Variants in VAC14 observed in about 807,000 individuals in gnomAD.
VAC14 encodes the protein protein VAC14 homolog.
A neutral mutation model predicts 85.3 loss-of-function variants in VAC14; 47 were observed. That is an observed-to-expected ratio of 0.55 (90% CI 0.44 to 0.70). The LOEUF is 0.70. VAC14 is among the 30% of genes least tolerant of loss of function. The pLI is 0.00. For synonymous variants in VAC14, 447 were observed against 430.5 expected, an observed-to-expected ratio of 1.04 and a Z score of -0.47; for missense variants, 861 against 1,004.3, an observed-to-expected ratio of 0.86 and a Z score of 1.93.
At chr16:70,756,312 C>A (rs1283834075) in intron 12 of VAC14, among the ~76,000 whole-genome samples, 3 of 152,186 alleles carry the variant, frequency 2.0e-5, no homozygotes, top group Non-Finnish European at 2.9e-5. Flanking sequence ...CCTAGGCAAG[C>A]CCCGATCTGC....
At chr16:70,786,490 C>T in intron 1 of VAC14, 125 bp from the exon 2 acceptor site, 1 of 1,292,048 alleles carries the variant, frequency 7.7e-7, no homozygotes, top group Non-Finnish European at 1.1e-6. Flanking sequence ...ACAGGCGTCT[C>T]AGGGCAGGTC....
chr16:70,768,403 C>T (rs1045120025), intron 10 of VAC14: 10 of 176,290 alleles, frequency 5.7e-5, no homozygotes, highest in African/African-American at 2.4e-4. Flanking sequence ...AGACATTTCT[C>T]TCTTAACCCT....
At chr16:70,740,974 T>C (rs1231061575) in intron 13 of VAC14, among the ~76,000 whole-genome samples, 1 of 152,250 alleles carries the variant, frequency 6.6e-6, no homozygotes, top group African/African-American at 2.4e-5. Context: ...ATGGACTCGC[T>C]TCTCCACTGC....
chr16:70,778,905 T>C (rs2033660161), intron 9 of VAC14: 2 of 152,242 alleles, frequency 1.3e-5, no homozygotes, highest in Admixed American at 1.3e-4. Context: ...ACAAAATATG[T>C]ATCCCCGAGT....
chr16:70,731,450 C>T (rs1441551777), intron 14 of VAC14, 45 bp downstream of exon 14: 10 of 1,589,348 alleles, frequency 6.3e-6, no homozygotes, highest in East Asian at 2.2e-5. Context: ...AGTGAAAAGC[C>T]GGGGCCGTGG....
chr16:70,796,310 CT>C (rs1478839108), intron 1 of VAC14, among the ~76,000 whole-genome samples: 2 of 152,166 alleles, frequency 1.3e-5, no homozygotes, highest in Non-Finnish European at 2.9e-5. Flanking sequence ...TCTGAGAGGC[CT>C]GTCATCATGA....
intron 1 of VAC14, among the ~76,000 whole-genome samples, chr16:70,797,089 A>G (rs1033182436): frequency 6.6e-6 from 1 of 152,196 alleles, no homozygotes; most frequent in Admixed American, 6.5e-5. Flanking sequence ...AAATTAAAAA[A>G]ATTCAAGAAC....
At chr16:70,791,334 T>C (rs1010906760) in intron 1 of VAC14, among the ~76,000 whole-genome samples, 1 of 152,258 alleles carries the variant, frequency 6.6e-6, no homozygotes, top group Non-Finnish European at 1.5e-5. Context: ...TTGTCGAATG[T>C]CAGCAGGTAA....
chr16:70,763,061 G>A (rs2032532890), intron 10 of VAC14, 36 bp from the exon 11 acceptor site: 3 of 1,612,770 alleles, frequency 1.9e-6, no homozygotes, highest in African/African-American at 1.3e-5. Flanking sequence ...CAGAGGTGAA[G>A]CCCACCATAG....
intron 14 of VAC14, among the ~76,000 whole-genome samples, chr16:70,706,114 T>G (rs2053915887): frequency 6.6e-6 from 1 of 152,120 alleles, no homozygotes; most frequent in South Asian, 2.1e-4. Context: ...ACTGGCCTGG[T>G]GGGGACCCTG....
intron 14 of VAC14, 25 bp downstream of exon 14, chr16:70,731,470 G>A (rs187578008): frequency 1.3e-5 from 21 of 1,606,928 alleles, no homozygotes; most frequent in East Asian, 8.9e-5. Flanking sequence ...GGAGGAAGAG[G>A]AGAAAGCGCG....
At chr16:70,761,473 G>A (rs769436053) in intron 12 of VAC14, among the ~76,000 whole-genome samples, 10 of 152,250 alleles carry the variant, frequency 6.6e-5, no homozygotes, top group Non-Finnish European at 1.2e-4. Context: ...TGGATGGAGG[G>A]ATGGGATGCT....
chr16:70,733,961 T>G (rs776124006), intron 13 of VAC14, among the ~76,000 whole-genome samples: 4 of 152,158 alleles, frequency 2.6e-5, no homozygotes, highest in Non-Finnish European at 4.4e-5. Context: ...TAGCTGGGAC[T>G]ACAGGCGTGT....
Position 70,762,647 on chromosome 16 carries a change from CG to C in VAC14, c.1306-43del. The C allele has an allele frequency of 6.2e-7, 1 of 1,602,074 alleles. No homozygotes were observed. The highest frequency in any genetic ancestry group is 8.5e-7 in the Non-Finnish European group (1 of 1,170,540). ...CAGGGGTGCCCGTGAGTGCTCCCTT[CG>C]CCCCGGGACTACGTGCAGTGCAGTG... On this transcript the variant is annotated intron_variant, in intron 11 of 18. Coordinates refer to ENST00000261776, the MANE Select transcript of VAC14 (RefSeq NM_018052.5). The surrounding 1 kb of genome is among the most constrained non-coding windows in gnomAD (Gnocchi z 4.1).
rs1403139343 is a variant in VAC14 at position 70,762,109 on chromosome 16, T to G, written c.1371+431A>C. ...CTCACTCCTAAAGTGAGTTTTTTTT[T>G]TTGTTTTTGTTTTTTTGAGACAGGG... On this transcript the variant is annotated intron_variant, in intron 12 of 18. Transcript: ENST00000261776. The surrounding 1 kb of genome is among the most constrained non-coding windows in gnomAD (Gnocchi z 4.1). 6.6e-6 allele frequency among the ~76,000 whole-genome samples: 1 copy of G among 151,472 alleles called. No homozygotes were observed. The highest frequency in any genetic ancestry group is 1.5e-5 in the Non-Finnish European group (1 of 67,918).
chr16:70,770,746 G>A (rs931226537), intron 10 of VAC14: 27 of 152,262 alleles, frequency 1.8e-4, no homozygotes, highest in Non-Finnish European at 2.9e-4. Flanking sequence ...GGAGCCTACA[G>A]GGGTGAGCAC....
At chr16:70,688,264 T>C (rs1425234016) in intron 18 of VAC14, 174 bp from the exon 19 acceptor site, 27 of 1,248,986 alleles carry the variant, frequency 2.2e-5, no homozygotes, top group Non-Finnish European at 2.3e-5. Context: ...GGGAAGCCCC[T>C]GAGCATCCCC....
chr16:70,757,739 G>T (rs2031986237), intron 12 of VAC14, among the ~76,000 whole-genome samples: 1 of 152,218 alleles, frequency 6.6e-6, no homozygotes, highest in African/African-American at 2.4e-5. Flanking sequence ...GCCCTTTACA[G>T]AAATGACCTC....
At chr16:70,709,992 T>C (rs1012856213) in intron 14 of VAC14, among the ~76,000 whole-genome samples, 1 of 152,176 alleles carries the variant, frequency 6.6e-6, no homozygotes. Flanking sequence ...AAGCAGGATT[T>C]CCTCCTGAGG....
Sources: gnomAD v4.1 joint callset for allele counts (sites outside exome capture counted in the v4.1 genomes callset) on GRCh38, gnomAD v4.1.1 for gene constraint, Gnocchi (gnomAD v3.1) non-coding constraint, MANE v1.5 for transcripts, NCBI Gene and HGNC (gene_info 2026-07-23, HGNC 2026-07-21) for gene names.